The following COL25A1 variants were observed in gnomAD, a reference collection of about 807,000 sequenced individuals.
COL25A1 encodes collagen alpha-1(XXV) chain.
In COL25A1, 103 loss-of-function variants were observed where a neutral mutation model predicts 128.4. That is an observed-to-expected ratio of 0.80 (90% CI 0.68 to 0.94). The LOEUF is 0.94. Among genes scored for constraint, COL25A1 ranks in the 40% least tolerant of loss-of-function variants. The pLI is 0.00. For missense variants in COL25A1, 745 were observed against 840.0 expected (o/e 0.89, Z 1.40); for synonymous variants, 279 against 277.2 (o/e 1.01, Z -0.06).
chr4:109,230,257 A>G (rs186655843), intron 3 of COL25A1, among the ~76,000 whole-genome samples: 14 of 152,292 alleles, frequency 9.2e-5, no homozygotes, highest in Admixed American at 7.8e-4. Flanking sequence ...ATCAATGAAT[A>G]ATAAGGATCA....
intron 6 of COL25A1, among the ~76,000 whole-genome samples, chr4:109,009,778 T>A (rs572020232): frequency 6.6e-6 from 1 of 152,312 alleles, no homozygotes; most frequent in African/African-American, 2.4e-5. Flanking sequence ...AAAACTCACG[T>A]ATTTTTTTGT....
At chr4:109,245,242 A>G (rs1560923068) in intron 3 of COL25A1, among the ~76,000 whole-genome samples, 1 of 152,162 alleles carries the variant, frequency 6.6e-6, no homozygotes, top group African/African-American at 2.4e-5. Flanking sequence ...ATCATAGACC[A>G]ATATGGTCCA....
chr4:109,131,111 T>A (rs1769153009), intron 3 of COL25A1, among the ~76,000 whole-genome samples: 1 of 152,106 alleles, frequency 6.6e-6, no homozygotes, highest in South Asian at 2.1e-4. Flanking sequence ...TAGCCTTATA[T>A]GACAAAGAAC....
chr4:109,199,834 A>G (rs973616621), intron 3 of COL25A1, among the ~76,000 whole-genome samples: 2 of 152,148 alleles, frequency 1.3e-5, no homozygotes, highest in Admixed American at 6.5e-5. Flanking sequence ...TGCCAGGGTG[A>G]CTGGAAATGC....
At chr4:108,936,556 G>A (rs1747434770) in intron 11 of COL25A1, among the ~76,000 whole-genome samples, 1 of 152,034 alleles carries the variant, frequency 6.6e-6, no homozygotes, top group Non-Finnish European at 1.5e-5. Context: ...GACAGAGCAA[G>A]ACTCTGTCTC....
chr4:109,111,238 A>G (rs1160846117), intron 3 of COL25A1, among the ~76,000 whole-genome samples: 3 of 152,204 alleles, frequency 2.0e-5, no homozygotes, highest in South Asian at 2.1e-4. Flanking sequence ...AGGAATTGAC[A>G]GCTTTACAAC....
intron 8 of COL25A1, among the ~76,000 whole-genome samples, chr4:108,951,128 C>T (rs939041513): frequency 6.6e-6 from 1 of 152,100 alleles, no homozygotes; most frequent in African/African-American, 2.4e-5. Flanking sequence ...GAAGCACACA[C>T]ATTTTAGAGA....
intron 3 of COL25A1, among the ~76,000 whole-genome samples, chr4:109,252,069 A>G (rs1277329669): frequency 1.3e-5 from 2 of 152,256 alleles, no homozygotes; most frequent in Non-Finnish European, 2.9e-5. Context: ...TCTGATCAGA[A>G]GCAATGCTGT....
intron 32 of COL25A1, among the ~76,000 whole-genome samples, chr4:108,830,598 C>T (rs1732979345): frequency 6.6e-6 from 1 of 152,228 alleles, no homozygotes; most frequent in Admixed American, 6.5e-5. Context: ...AGTTAACATG[C>T]TGAGTAAATA....
chr4:109,051,302 G>A (rs925993145), intron 3 of COL25A1, among the ~76,000 whole-genome samples: 1 of 152,100 alleles, frequency 6.6e-6, no homozygotes, highest in Non-Finnish European at 1.5e-5. Context: ...AAACATCAGT[G>A]GGGCAGTTAG....
chr4:108,831,393 A>G (rs1176910406), intron 32 of COL25A1, among the ~76,000 whole-genome samples: 1 of 152,168 alleles, frequency 6.6e-6, no homozygotes, highest in Non-Finnish European at 1.5e-5. Flanking sequence ...ACTCTACAGA[A>G]CACAGAATTA....
At chr4:109,292,986 C>T (rs999734616) in intron 3 of COL25A1, among the ~76,000 whole-genome samples, 7 of 151,972 alleles carry the variant, frequency 4.6e-5, no homozygotes, top group African/African-American at 1.7e-4. Flanking sequence ...GTGGAAATCA[C>T]TTTCATCTTA....
chr4:109,141,679 G>A (rs547463121), intron 3 of COL25A1, among the ~76,000 whole-genome samples: 1 of 152,256 alleles, frequency 6.6e-6, no homozygotes, highest in South Asian at 2.1e-4. Flanking sequence ...TATGTGTCCA[G>A]GAATTTATCC....
In COL25A1 at chr4:108,980,040, G is replaced by A. The variant is rs1013387864; in HGVS notation, c.439-5481C>T. 4.2e-4 allele frequency among the ~76,000 whole-genome samples: 64 copies of A among 152,140 alleles called. 1 individual carries two copies. Among genetic ancestry groups the A allele is most frequent in the Admixed American group, 4.1e-3 (63 of 15,278 alleles). Reference sequence around the variant, plus strand: ...CACTCTGTCAGAGAAAGGAGTTCAGGGTGGTAAGAACATGTGGGGAGTGGA... The same window carrying A: ...CACTCTGTCAGAGAAAGGAGTTCAGAGTGGTAAGAACATGTGGGGAGTGGA... On this transcript the variant is annotated intron_variant, in intron 6 of 37. Transcript: ENST00000399132.
At chr4:109,192,983 C>A (rs879433518) in intron 3 of COL25A1, among the ~76,000 whole-genome samples, 3 of 152,184 alleles carry the variant, frequency 2.0e-5, no homozygotes, top group Non-Finnish European at 2.9e-5. Context: ...ACCAACCCTG[C>A]TGACATCCTG....
Position 109,160,080 on chromosome 4 carries a change from T to C in COL25A1, c.368-109901A>G, listed in dbSNP as rs140058182. Among the ~76,000 whole-genome samples the C allele has an allele frequency of 1.2e-3, 185 of 152,212 alleles. 1 individual carries two copies. Among genetic ancestry groups the C allele is most frequent in the African/African-American group, 4.3e-3 (178 of 41,546 alleles). ...ACCAGTTTCTCTTATAATAGGTAAATAGAAAAACCATAAAAGACACCATGC... is the reference window on the plus strand; with the variant it reads ...ACCAGTTTCTCTTATAATAGGTAAACAGAAAAACCATAAAAGACACCATGC... On this transcript the variant is annotated intron_variant, in intron 3 of 37. Transcript: ENST00000399132.
At chr4:109,238,550 G>A (rs1392634683) in intron 3 of COL25A1, among the ~76,000 whole-genome samples, 2 of 151,998 alleles carry the variant, frequency 1.3e-5, no homozygotes, top group Non-Finnish European at 2.9e-5. Flanking sequence ...GCAGTACCAG[G>A]TATCACTATC....
intron 6 of COL25A1, among the ~76,000 whole-genome samples, chr4:108,993,116 T>C (rs1204596641): frequency 2.0e-5 from 3 of 152,218 alleles, no homozygotes; most frequent in Non-Finnish European, 2.9e-5. Context: ...TGTTGTACCA[T>C]AGATTTCTTA....
intron 6 of COL25A1, among the ~76,000 whole-genome samples, chr4:109,006,378 A>ATTTTTTTTTTTTTTTT (rs56845799): frequency 2.3e-4 from 12 of 51,874 alleles, no homozygotes; most frequent in Admixed American, 3.7e-4. Flanking sequence ...CACCCAGCTA[A>ATTTTTTTTTTTTTTTT]TTTTTTTTTT....
Sources: gnomAD v4.1 joint callset for allele counts (sites outside exome capture counted in the v4.1 genomes callset) on GRCh38, gnomAD v4.1.1 for gene constraint, MANE v1.5 for transcripts, NCBI Gene and HGNC (gene_info 2026-07-23, HGNC 2026-07-21) for gene names.